Variants in MED9 observed in about 807,000 individuals in gnomAD.
The protein encoded by MED9 is mediator of RNA polymerase II transcription subunit 9.
A neutral mutation model predicts 13.2 loss-of-function variants in MED9; 8 were observed. The observed-to-expected ratio is 0.61, with a 90% CI of 0.36 to 1.10. The LOEUF is 1.10. Among genes scored for constraint, MED9 ranks in the 50% least tolerant of loss-of-function variants. The pLI is 0.02. For missense variants in MED9, 180 were observed against 193.4 expected, an observed-to-expected ratio of 0.93 and a Z score of 0.41; for synonymous variants, 87 against 82.8, an observed-to-expected ratio of 1.05 and a Z score of -0.28.
chr17:17,491,114 C>T (rs372662428), intron 1 of MED9, among the ~76,000 whole-genome samples, 165 bp from the exon 2 acceptor site: 69 of 152,284 alleles, frequency 4.5e-4, no homozygotes, highest in Non-Finnish European at 9.1e-4. Context: ...AAAAAGAACC[C>T]GTCCCTGCCC....
At position 17,492,978 on chromosome 17, in the gene MED9, A is replaced by T. The variant is rs1199548395; in HGVS notation, c.*1483A>T. 6.6e-6 allele frequency: 1 copy of T among 152,212 alleles called. No homozygotes were observed. Among genetic ancestry groups the T allele is most frequent in the Non-Finnish European group, 1.5e-5 (1 of 68,038 alleles). 9.4% of individuals were successfully genotyped at this position (152,212 alleles called of 1,614,324 possible). On this transcript the variant is annotated 3_prime_UTR_variant, in exon 2 of 2. Transcript: ENST00000268711. ...CTACCTTGGGACTGTTATTTAACTG[A>T]ATCAGTTATTTCCTTGAAATTTCAC... is the stretch of plus-strand genomic sequence containing the variant.
intron 1 of MED9, among the ~76,000 whole-genome samples, chr17:17,480,740 A>G (rs1054567715): frequency 1.3e-5 from 2 of 152,360 alleles, no homozygotes; most frequent in South Asian, 4.1e-4. Flanking sequence ...CACGTGGAGG[A>G]AACAGTAGCC....
At position 17,477,128 on chromosome 17, in the gene MED9, G is replaced by A. The variant is rs764356780; in HGVS notation, c.87G>A (p.Pro29=). The A allele has an allele frequency of 3.1e-6, 5 of 1,607,258 alleles. No individual in the cohort carries two copies. The highest frequency in any genetic ancestry group is 1.3e-5 in the African/African-American group (1 of 74,800). The change falls in exon 1 of 2, where the codon CCG becomes CCA. Residue 29 remains proline (P), a synonymous_variant. Coordinates refer to ENST00000268711, the MANE Select transcript of MED9 (RefSeq NM_018019.3). The part of the protein sequence containing the change: ...TSDQPLPDTK[P]LPPPQPPPVP... The stretch of plus-strand genomic sequence containing the variant: ...ACCAGCCGCTGCCTGACACCAAGCC[G>A]CTGCCGCCTCCTCAGCCGCCGCCGG...
Position 17,477,426 on chromosome 17 carries a change from G to T in MED9, c.224+161G>T, listed in dbSNP as rs1308632923. 5.4e-6 allele frequency: 4 copies of T among 734,052 alleles called. No individual in the cohort carries two copies. In the South Asian group the frequency reaches 6.0e-5, roughly 11 times the overall value. The allele number at this position is 734,052 out of a possible 1,614,324, so 45.5% of individuals were successfully genotyped here. A position where few individuals can be genotyped will look rare whatever the true frequency, so the allele number is the denominator to read the frequency against. ...AAGAGGCCTTTCCCAAGACCACAGA[G>T]ACATTCCATGAGTTAAGCAAACGAT... On this transcript the variant is annotated intron_variant, in intron 1 of 1. Transcript: ENST00000268711.
chr17:17,482,972 A>G lies in MED9; in HGVS notation c.224+5707A>G, dbSNP rs563660231. Among the ~76,000 whole-genome samples the G allele has an allele frequency of 2.6e-4, 39 of 152,314 alleles. 1 individual carries two copies. The South Asian group carries it at 7.9e-3, about 31-fold the overall frequency. On this transcript the variant is annotated intron_variant, in intron 1 of 1. Coordinates refer to ENST00000268711, the MANE Select transcript of MED9 (RefSeq NM_018019.3). ...ATTTTAGTTCTTAAATCTTCATGGTACATTTAATTATCTTTTAAGGTTAAT... is the reference window on the plus strand; with the variant it reads ...ATTTTAGTTCTTAAATCTTCATGGTGCATTTAATTATCTTTTAAGGTTAAT...
chr17:17,484,408 G>A (rs1332238174), intron 1 of MED9, among the ~76,000 whole-genome samples: 2 of 152,232 alleles, frequency 1.3e-5, no homozygotes, highest in African/African-American at 2.4e-5. Flanking sequence ...AGGTCAGCAA[G>A]ACCTCAGAGC....
chr17:17,481,236 C>T (rs954979145), intron 1 of MED9, among the ~76,000 whole-genome samples: 2 of 152,170 alleles, frequency 1.3e-5, no homozygotes, highest in Non-Finnish European at 2.9e-5. Flanking sequence ...ACCCAGGTGG[C>T]GCTCTCTGGC....
At chr17:17,485,230 T>G (rs932657879) in intron 1 of MED9, 2 of 395,910 alleles carry the variant, frequency 5.1e-6, no homozygotes, top group Admixed American at 8.8e-5. Context: ...GGGTTTCGTC[T>G]CTGTCTACAG....
chr17:17,488,079 A>G (rs1363457989), intron 1 of MED9: 2 of 152,152 alleles, frequency 1.3e-5, no homozygotes, highest in African/African-American at 4.8e-5. Flanking sequence ...TATTACTGTC[A>G]TTTTTTAAAA....
intron 1 of MED9, among the ~76,000 whole-genome samples, chr17:17,478,550 C>T (rs1249232109): frequency 2.0e-5 from 3 of 152,194 alleles, no homozygotes; most frequent in Non-Finnish European, 4.4e-5. Flanking sequence ...CATTTGGTTT[C>T]ACTTGGTGTT....
At chr17:17,481,194 G>A (rs1328325643) in intron 1 of MED9, among the ~76,000 whole-genome samples, 1 of 152,164 alleles carries the variant, frequency 6.6e-6, no homozygotes, top group Non-Finnish European at 1.5e-5. Flanking sequence ...GTACTGGCGG[G>A]TGGAGATGAG....
At chr17:17,484,832 C>A (rs1444799785) in intron 1 of MED9, among the ~76,000 whole-genome samples, 4 of 152,184 alleles carry the variant, frequency 2.6e-5, no homozygotes, top group Non-Finnish European at 5.9e-5. Flanking sequence ...GTCAGCACTT[C>A]CTTAGTGGGC....
intron 1 of MED9, among the ~76,000 whole-genome samples, chr17:17,488,760 G>T (rs1307745597): frequency 1.3e-5 from 2 of 152,084 alleles, no homozygotes; most frequent in African/African-American, 4.8e-5. Flanking sequence ...TTGAACCCGG[G>T]AGGCGGAGGT....
Position 17,491,841 on chromosome 17 carries a change from TGAAGAGCACAGTAG to T in MED9, c.*351_*364del. On this transcript the variant is annotated 3_prime_UTR_variant, in exon 2 of 2. Transcript: ENST00000268711. ...CTGCGCCCGGCCCCACTGACAGATCTGAAGAGCACAGTAGGAAGGGAGGCGGCTCCTCTTTGCTT... is the reference window on the plus strand; with the variant it reads ...CTGCGCCCGGCCCCACTGACAGATCTGAAGGGAGGCGGCTCCTCTTTGCTT... 1 of 349,384 alleles carries T rather than the reference TGAAGAGCACAGTAG, an allele frequency of 2.9e-6. No individual in the cohort carries two copies. Among genetic ancestry groups the T allele is most frequent in the South Asian group, 2.6e-5 (1 of 37,820 alleles). The allele number at this position is 349,384 out of a possible 1,614,324, so 21.6% of individuals were successfully genotyped here.
intron 1 of MED9, among the ~76,000 whole-genome samples, chr17:17,489,223 G>A (rs953257990): frequency 1.4e-4 from 22 of 152,326 alleles, no homozygotes; most frequent in East Asian, 1.9e-4. Context: ...CCTCCAGGCG[G>A]CTTGTCTTAC....
At position 17,491,522 on chromosome 17, in the gene MED9, G is replaced by A. The variant is rs191775579; in HGVS notation, c.*27G>A. 169 of 1,582,054 alleles carry A rather than the reference G, an allele frequency of 1.1e-4. No homozygotes were observed. Among genetic ancestry groups the A allele is most frequent in the Middle Eastern group, 5.0e-4 (3 of 6,002 alleles). ...GTGAGGCTGACTTCCTTAGAAAGAG[G>A]GGGAAGCCAATGGCCTGTCTCCCCA... On this transcript the variant is annotated 3_prime_UTR_variant, in exon 2 of 2. Coordinates refer to ENST00000268711, the MANE Select transcript of MED9 (RefSeq NM_018019.3).
intron 1 of MED9, among the ~76,000 whole-genome samples, chr17:17,478,857 CAAA>C (rs56376204): frequency 2.6e-5 from 3 of 115,246 alleles, no homozygotes; most frequent in African/African-American, 6.5e-5. Context: ...GACTCTGCCT[CAAA>C]AAAAAAAAAA....
chr17:17,489,103 A>G (rs1272651053), intron 1 of MED9, among the ~76,000 whole-genome samples: 2 of 152,180 alleles, frequency 1.3e-5, no homozygotes, highest in Non-Finnish European at 2.9e-5. Flanking sequence ...TCTGAATAGC[A>G]TGTTCTCTTC....
At chr17:17,477,465 G>A (rs1043501488) in intron 1 of MED9, 200 bp downstream of exon 1, 62 of 581,260 alleles carry the variant, frequency 1.1e-4, no homozygotes, top group African/African-American at 1.1e-3. Flanking sequence ...AGCCTCGAGA[G>A]GTGCGATATC....
Sources: gnomAD v4.1 joint callset for allele counts (sites outside exome capture counted in the v4.1 genomes callset) on GRCh38, gnomAD v4.1.1 for gene constraint, MANE v1.5 for transcripts, NCBI Gene and HGNC (gene_info 2026-07-23, HGNC 2026-07-21) for gene names.